The following MAML2 variants were observed in gnomAD, a reference collection of about 807,000 sequenced individuals.
MAML2 encodes the protein mastermind like transcriptional coactivator 2, also known as mastermind-like protein 2.
Under a neutral mutation model 96.1 loss-of-function variants are expected in MAML2, and 22 were observed. The ratio of observed to expected loss-of-function variants is 0.23; its 90% CI spans 0.16 to 0.33. MAML2 has a LOEUF of 0.33. Ranked by LOEUF, MAML2 falls within the 10% of genes least tolerant of loss-of-function variation. The probability of loss-of-function intolerance (pLI) is 1.00; values close to 1 mark genes in which losing one functional copy is unlikely to be tolerated. For synonymous variants in MAML2, 561 were observed against 521.3 expected, an observed-to-expected ratio of 1.08 and a Z score of -1.04; for missense variants, 1,367 against 1,392.4, an observed-to-expected ratio of 0.98 and a Z score of 0.29.
At chr11:96,303,786 C>G (rs181912446) in intron 1 of MAML2, among the ~76,000 whole-genome samples, 1 of 152,164 alleles carries the variant, frequency 6.6e-6, no homozygotes, top group Non-Finnish European at 1.5e-5. Flanking sequence ...CTACACCTGG[C>G]GCCCACAAAA....
chr11:96,336,609 A>C (rs1047764174), intron 1 of MAML2, among the ~76,000 whole-genome samples: 3 of 152,224 alleles, frequency 2.0e-5, no homozygotes, highest in African/African-American at 7.2e-5. Context: ...AGAACAAGAA[A>C]GCAGTAGAAT....
At chr11:96,296,357 A>T (rs1295167559) in intron 1 of MAML2, among the ~76,000 whole-genome samples, 3 of 152,178 alleles carry the variant, frequency 2.0e-5, no homozygotes, top group Non-Finnish European at 4.4e-5. Context: ...TAAAAATAAG[A>T]AGGGAGGCCG....
At chr11:96,330,292 CTGTT>C (rs1485418331) in intron 1 of MAML2, among the ~76,000 whole-genome samples, 3 of 152,184 alleles carry the variant, frequency 2.0e-5, no homozygotes, top group Non-Finnish European at 2.9e-5. Context: ...AGCAGGAAAA[CTGTT>C]TGTTAAGCTG....
intron 1 of MAML2, among the ~76,000 whole-genome samples, chr11:96,094,783 T>G (rs1859797254): frequency 6.6e-6 from 1 of 152,208 alleles, no homozygotes; most frequent in Non-Finnish European, 1.5e-5. Flanking sequence ...ATTCAATGTT[T>G]TCTCAGCATA....
intron 2 of MAML2, among the ~76,000 whole-genome samples, chr11:96,041,975 A>G (rs1590977256): frequency 8.2e-6 from 1 of 121,796 alleles, no homozygotes; most frequent in Non-Finnish European, 1.7e-5. Flanking sequence ...CGCCCGGCTA[A>G]TTTTTTTTTT....
chr11:96,307,931 C>A (rs1863487001), intron 1 of MAML2, among the ~76,000 whole-genome samples: 1 of 152,026 alleles, frequency 6.6e-6, no homozygotes, highest in Non-Finnish European at 1.5e-5. Context: ...GGGTGGATAT[C>A]ATTTTATAGG....
chr11:96,059,147 C>T (rs1032355808), intron 2 of MAML2, among the ~76,000 whole-genome samples: 5 of 152,066 alleles, frequency 3.3e-5, no homozygotes, highest in African/African-American at 9.7e-5. Flanking sequence ...GGCAATTTAC[C>T]TAGGGTAAGT....
intron 2 of MAML2, among the ~76,000 whole-genome samples, chr11:96,026,978 G>A (rs1453013368): frequency 6.6e-6 from 1 of 152,098 alleles, no homozygotes; most frequent in Non-Finnish European, 1.5e-5. Context: ...CTTAATAAGT[G>A]CTTCATGAAT....
rs144849180 is a variant in MAML2, at chr11:96,081,474, T to G, written c.2139+10418A>C. The stretch of plus-strand genomic sequence containing the variant: ...CCTTTGAATTTATTTCCAGGAAAAA[T>G]TTGCCTCCATTTAATGAATGTGTAT... On this transcript the variant is annotated intron_variant, in intron 2 of 4. Transcript: ENST00000524717. 9.9e-3 allele frequency among the ~76,000 whole-genome samples: 1,499 copies of G among 152,094 alleles called. 23 individuals are homozygous for G. The highest frequency in any genetic ancestry group is 0.037 in the South Asian group (178 of 4,798).
chr11:96,228,648 C>G (rs1363682418), intron 1 of MAML2, among the ~76,000 whole-genome samples: 1 of 152,214 alleles, frequency 6.6e-6, no homozygotes, highest in Non-Finnish European at 1.5e-5. Context: ...AGTCCTCATT[C>G]AAGGACAGGG....
At chr11:96,237,016 CTAATATT>C (rs1489763658) in intron 1 of MAML2, among the ~76,000 whole-genome samples, 10 of 152,232 alleles carry the variant, frequency 6.6e-5, no homozygotes, top group African/African-American at 2.2e-4. Flanking sequence ...GAACTGGATG[CTAATATT>C]TTGCAGACCA....
intron 1 of MAML2, among the ~76,000 whole-genome samples, chr11:96,204,952 A>G (rs1861876150): frequency 6.6e-6 from 1 of 152,224 alleles, no homozygotes; most frequent in Admixed American, 6.5e-5. Flanking sequence ...TGAAATTGGC[A>G]TCAGTGAACT....
intron 1 of MAML2, among the ~76,000 whole-genome samples, chr11:96,158,457 G>A (rs911291553): frequency 6.6e-6 from 1 of 152,212 alleles, no homozygotes; most frequent in African/African-American, 2.4e-5. Context: ...CAGCTCATGA[G>A]GAGCTGCAAG....
In MAML2 at chr11:96,054,240, G is replaced by A. The variant is rs182765560; in HGVS notation, c.2139+37652C>T. 8.3e-4 allele frequency among the ~76,000 whole-genome samples: 126 copies of A among 152,252 alleles called. 1 individual carries two copies. The highest frequency in any genetic ancestry group is 1.3e-3 in the Non-Finnish European group (90 of 68,008). The stretch of plus-strand genomic sequence containing the variant: ...CTGATTCTAAGTAGTAACTCTAGAC[G>A]GGGATATTTTAGGGGAATGCTGTTT... On this transcript the variant is annotated intron_variant, in intron 2 of 4. Coordinates refer to ENST00000524717, the MANE Select transcript of MAML2 (RefSeq NM_032427.4).
intron 1 of MAML2, among the ~76,000 whole-genome samples, chr11:96,138,550 C>T (rs1053275344): frequency 1.3e-5 from 2 of 152,084 alleles, no homozygotes; most frequent in African/African-American, 4.8e-5. Context: ...TGCTAATGGG[C>T]GATCTTATTG....
Position 96,215,531 on chromosome 11 carries a change from C to T in MAML2, c.514-122014G>A, listed in dbSNP as rs562649517. On this transcript the variant is annotated intron_variant, in intron 1 of 4. Transcript: ENST00000524717. ...CTCTGACGAATACACATTGTTGTCC[C>T]CTCTTTGGGGCTGAGGAAATCCGAG... Among the ~76,000 whole-genome samples, 20 of 152,242 alleles carry T rather than the reference C, an allele frequency of 1.3e-4. No homozygotes were observed. In the South Asian group the frequency reaches 3.1e-3, roughly 24 times the overall value.
chr11:96,116,821 T>C (rs1860251085), intron 1 of MAML2, among the ~76,000 whole-genome samples: 1 of 152,240 alleles, frequency 6.6e-6, no homozygotes, highest in Admixed American at 6.5e-5. Context: ...ATATTGAGTA[T>C]CTACTAAGTG....
chr11:96,160,311 C>T (rs504941), intron 1 of MAML2, among the ~76,000 whole-genome samples: 127,406 of 152,206 alleles, frequency 0.84, 53,787 homozygotes, highest in East Asian at 0.97. Flanking sequence ...AATTCTCATT[C>T]GAACCTGGCC....
chr11:96,016,073 AT>A (rs1858347752), intron 2 of MAML2, among the ~76,000 whole-genome samples: 2 of 152,306 alleles, frequency 1.3e-5, no homozygotes, highest in African/African-American at 4.8e-5. Context: ...TCAAAACTTA[AT>A]CTTTATTTAA....
Sources: gnomAD v4.1 joint callset for allele counts (sites outside exome capture counted in the v4.1 genomes callset) on GRCh38, gnomAD v4.1.1 for gene constraint, MANE v1.5 for transcripts, NCBI Gene and HGNC (gene_info 2026-07-23, HGNC 2026-07-21) for gene names.